Variants in POU6F2 observed in about 807,000 individuals in gnomAD.
The protein encoded by POU6F2 is POU class 6 homeobox 2, also known as POU domain, class 6, transcription factor 2.
In POU6F2, 31 loss-of-function variants were observed where a neutral mutation model predicts 71.3. The observed-to-expected ratio is 0.43, with a 90% CI of 0.33 to 0.59. The LOEUF (loss-of-function observed/expected upper bound fraction) is 0.59, where lower values mean the gene tolerates loss of function less well. Ranked by LOEUF, POU6F2 falls within the 20% of genes least tolerant of loss-of-function variation. The pLI, the probability that POU6F2 is intolerant of heterozygous loss-of-function variation, is 0.04. For missense variants in POU6F2, 783 were observed against 856.8 expected (o/e 0.91, Z 1.07); for synonymous variants, 347 against 355.7 (o/e 0.98, Z 0.27).
At chr7:39,287,906 C>G (rs901122751) in intron 4 of POU6F2, among the ~76,000 whole-genome samples, 6 of 152,140 alleles carry the variant, frequency 3.9e-5, no homozygotes, top group Admixed American at 3.9e-4. Context: ...CTGTATATAA[C>G]AGATGCTCAG....
intron 1 of POU6F2, among the ~76,000 whole-genome samples, chr7:39,050,310 A>G (rs1379989398): frequency 1.3e-5 from 2 of 152,064 alleles, no homozygotes; most frequent in Non-Finnish European, 2.9e-5. Flanking sequence ...CAAGCCAGCA[A>G]AATCTCCCGC....
chr7:39,103,750 G>C (rs540194587), intron 2 of POU6F2, among the ~76,000 whole-genome samples: 1 of 151,984 alleles, frequency 6.6e-6, no homozygotes, highest in African/African-American at 2.4e-5. Flanking sequence ...GAGAACCCCT[G>C]TACTGGCAAA....
intron 4 of POU6F2, among the ~76,000 whole-genome samples, chr7:39,292,490 A>G (rs1165191674): frequency 6.6e-6 from 1 of 152,222 alleles, no homozygotes; most frequent in African/African-American, 2.4e-5. Context: ...AACAGAGCGT[A>G]AATCAACAGG....
chr7:39,265,350 A>T (rs1784218710), intron 4 of POU6F2, among the ~76,000 whole-genome samples: 3 of 152,218 alleles, frequency 2.0e-5, no homozygotes, highest in Admixed American at 2.0e-4. Context: ...AGGAAGTCTA[A>T]CAAAAAGCAT....
intron 2 of POU6F2, among the ~76,000 whole-genome samples, chr7:39,111,892 G>A (rs1430990232): frequency 1.3e-5 from 2 of 152,080 alleles, no homozygotes; most frequent in Non-Finnish European, 2.9e-5. Flanking sequence ...CTTATTCTGG[G>A]TGGTTTCAGA....
At chr7:39,356,805 C>T (rs758057906) in intron 5 of POU6F2, among the ~76,000 whole-genome samples, 3 of 152,162 alleles carry the variant, frequency 2.0e-5, no homozygotes, top group Non-Finnish European at 4.4e-5. Flanking sequence ...GCCTTAGATG[C>T]TACGATGACT....
intron 6 of POU6F2, among the ~76,000 whole-genome samples, chr7:39,406,988 T>C (rs754924936): frequency 7.2e-5 from 11 of 152,174 alleles, no homozygotes; most frequent in Non-Finnish European, 1.2e-4. Flanking sequence ...TGACTCATGT[T>C]ATGACCTTAT....
Position 39,434,586 on chromosome 7 carries a change from A to C in POU6F2, c.1320+1303A>C, listed in dbSNP as rs543696748. 6.6e-5 allele frequency among the ~76,000 whole-genome samples: 10 copies of C among 152,008 alleles called. No homozygotes were observed. In the East Asian group the frequency reaches 1.9e-3, roughly 29 times the overall value. On this transcript the variant is annotated intron_variant, in intron 7 of 9. Transcript: ENST00000518318. ...ATGGTGATGATGATGGTGATGATTTAATCTGCAGCCAAGCCCTGGAGATCT... is the reference window on the plus strand; with the variant it reads ...ATGGTGATGATGATGGTGATGATTTCATCTGCAGCCAAGCCCTGGAGATCT...
chr7:39,262,454 T>C (rs1248523384), intron 4 of POU6F2, among the ~76,000 whole-genome samples: 1 of 152,246 alleles, frequency 6.6e-6, no homozygotes, highest in Non-Finnish European at 1.5e-5. Flanking sequence ...AAAAGTTCAA[T>C]GATGGCATCC....
chr7:39,197,621 T>C (rs1486743020), intron 2 of POU6F2, among the ~76,000 whole-genome samples: 1 of 152,196 alleles, frequency 6.6e-6, no homozygotes, highest in East Asian at 1.9e-4. Flanking sequence ...GTGTTGAGGG[T>C]GCCTCCTAGC....
intron 2 of POU6F2, among the ~76,000 whole-genome samples, chr7:39,192,891 A>C (rs1793699207): frequency 6.6e-6 from 1 of 152,180 alleles, no homozygotes; most frequent in Non-Finnish European, 1.5e-5. Flanking sequence ...GAGAAAGGAA[A>C]CAAGAAAGGG....
intron 1 of POU6F2, among the ~76,000 whole-genome samples, chr7:38,992,115 G>C (rs1019297218): frequency 1.3e-5 from 2 of 152,056 alleles, no homozygotes; most frequent in Admixed American, 6.6e-5. Context: ...GGCCTGTAGC[G>C]GGAGCTCAGT....
chr7:39,372,009 G>GGGCTCAA (rs1786620968), intron 5 of POU6F2, among the ~76,000 whole-genome samples: 1 of 152,052 alleles, frequency 6.6e-6, no homozygotes, highest in South Asian at 2.1e-4. Context: ...TCCAAATTCT[G>GGGCTCAA]GGCTCAAGCA....
At chr7:39,113,824 T>A (rs1173457664) in intron 2 of POU6F2, among the ~76,000 whole-genome samples, 1 of 152,160 alleles carries the variant, frequency 6.6e-6, no homozygotes, top group East Asian at 1.9e-4. Flanking sequence ...GCACATTTGC[T>A]TCCAACATGG....
In POU6F2 at chr7:39,464,691, A is replaced by T. The variant is rs373654083; in HGVS notation, c.*5A>T. On this transcript the variant is annotated 3_prime_UTR_variant, in exon 10 of 10. Transcript: ENST00000518318. This position sits in a 1 kb window ranked among gnomAD's most constrained non-coding sequence, Gnocchi z 4.1. ...TCTCTGGAAGAAAACTCCTAAAGAG[A>T]TGCCCACCCATAATCAGAAGCAAAA... is the stretch of plus-strand genomic sequence containing the variant. The T allele has an allele frequency of 1.9e-6, 3 of 1,590,270 alleles. No individual in the cohort carries two copies. Among genetic ancestry groups the T allele is most frequent in the Admixed American group, 1.7e-5 (1 of 57,702 alleles).
intron 2 of POU6F2, among the ~76,000 whole-genome samples, chr7:39,201,759 G>A (rs186260252): frequency 3.3e-5 from 5 of 152,234 alleles, no homozygotes; most frequent in Admixed American, 2.0e-4. Context: ...CTCTGCAAAC[G>A]TTCAGCTAAG....
intron 2 of POU6F2, among the ~76,000 whole-genome samples, chr7:39,103,027 A>T (rs1016429135): frequency 1.5e-5 from 2 of 136,358 alleles, no homozygotes; most frequent in Admixed American, 1.6e-4. Context: ...ATATATCAAC[A>T]AATAATAACA....
intron 1 of POU6F2, among the ~76,000 whole-genome samples, chr7:39,022,036 C>A (rs1220163499): frequency 2.0e-5 from 3 of 152,056 alleles, no homozygotes; most frequent in Non-Finnish European, 2.9e-5. Context: ...AAGAAATAAT[C>A]TTATCTGGCT....
chr7:39,294,321 G>A (rs1170230304), intron 4 of POU6F2, among the ~76,000 whole-genome samples: 7 of 146,498 alleles, frequency 4.8e-5, no homozygotes, highest in Admixed American at 4.1e-4. Context: ...TTAGGTTGGC[G>A]CAAAAGTAAT....
Sources: gnomAD v4.1 joint callset for allele counts (sites outside exome capture counted in the v4.1 genomes callset) on GRCh38, gnomAD v4.1.1 for gene constraint, Gnocchi (gnomAD v3.1) non-coding constraint, MANE v1.5 for transcripts, NCBI Gene and HGNC (gene_info 2026-07-23, HGNC 2026-07-21) for gene names.